Variants in MAST2 observed in about 807,000 individuals in gnomAD.
MAST2 encodes the protein microtubule-associated serine/threonine-protein kinase 2.
MAST2 carries 70 observed loss-of-function variants against 147.4 expected under a neutral mutation model. That is an observed-to-expected ratio of 0.47 (90% CI 0.39 to 0.58). The LOEUF (loss-of-function observed/expected upper bound fraction) is 0.58. Among genes scored for constraint, MAST2 ranks in the 20% least tolerant of loss-of-function variants. MAST2 has a pLI of 0.00. For missense variants in MAST2, 2,080 were observed against 2,302.3 expected, an observed-to-expected ratio of 0.90 and a Z score of 1.98; for synonymous variants, 869 against 896.8, an observed-to-expected ratio of 0.97 and a Z score of 0.55.
Position 45,910,855 on chromosome 1 carries a change from A to ACTTT in MAST2, c.500+28460_500+28461insCTTT, listed in dbSNP as rs1180438639. On this transcript the variant is annotated intron_variant, in intron 4 of 28. Transcript: ENST00000361297. ...TTCACAGCCCATAAATGGCGTTCTG[A>ACTTT]TATAGTTGCCTCTCTTTTAAAGGAC... 3.1e-4 allele frequency among the ~76,000 whole-genome samples: 47 copies of ACTTT among 152,292 alleles called. 1 individual carries two copies. In the Middle Eastern group the frequency reaches 0.034, roughly 110 times the overall value.
At chr1:45,913,448 C>A in intron 4 of MAST2, 1 of 249,986 alleles carries the variant, frequency 4.0e-6, no homozygotes, top group Non-Finnish European at 6.4e-6. Flanking sequence ...TGCCGCCAGG[C>A]CTCAGGGTTG....
At chr1:45,809,552 A>G (rs1644234910) in intron 1 of MAST2, among the ~76,000 whole-genome samples, 1 of 152,014 alleles carries the variant, frequency 6.6e-6, no homozygotes, top group Non-Finnish European at 1.5e-5. Flanking sequence ...CTGAGGTGGG[A>G]CCCCTGGAAG....
chr1:45,868,532 C>G (rs547853287), intron 3 of MAST2, among the ~76,000 whole-genome samples: 37 of 152,150 alleles, frequency 2.4e-4, no homozygotes, highest in East Asian at 1.7e-3. Flanking sequence ...TGCACCCCCC[C>G]CAACCCCCTG....
intron 3 of MAST2, among the ~76,000 whole-genome samples, chr1:45,881,525 T>C (rs773549670): frequency 2.0e-5 from 3 of 152,238 alleles, no homozygotes; most frequent in Non-Finnish European, 2.9e-5. Context: ...TGGGACTTGA[T>C]ACACTTGGAA....
intron 3 of MAST2, among the ~76,000 whole-genome samples, chr1:45,851,219 C>CT (rs922566808): frequency 5.9e-5 from 9 of 151,312 alleles, no homozygotes; most frequent in African/African-American, 1.9e-4. Flanking sequence ...TTTTCTTTTT[C>CT]TTTTTTTTGT....
chr1:46,008,141 C>T (rs1645563910), intron 8 of MAST2, among the ~76,000 whole-genome samples, 155 bp from the exon 9 acceptor site: 1 of 152,078 alleles, frequency 6.6e-6, no homozygotes, highest in South Asian at 2.1e-4. Flanking sequence ...CTGGAAACTC[C>T]AGGAATAAGA....
At chr1:45,861,927 C>T (rs1645994318) in intron 3 of MAST2, among the ~76,000 whole-genome samples, 1 of 152,276 alleles carries the variant, frequency 6.6e-6, no homozygotes, top group African/African-American at 2.4e-5. Flanking sequence ...TAATGATGGG[C>T]CTCCAGGCAG....
chr1:45,816,957 G>A (rs533871603), intron 1 of MAST2, among the ~76,000 whole-genome samples: 11 of 152,286 alleles, frequency 7.2e-5, no homozygotes, highest in South Asian at 6.2e-4. Flanking sequence ...GATTACAGGC[G>A]TGAGCCACAG....
chr1:45,883,208 G>C (rs1475069546), intron 4 of MAST2, among the ~76,000 whole-genome samples: 1 of 152,208 alleles, frequency 6.6e-6, no homozygotes, highest in African/African-American at 2.4e-5. Context: ...AAAAAGAGAT[G>C]TAATTAAGGA....
intron 4 of MAST2, among the ~76,000 whole-genome samples, chr1:45,952,125 A>G (rs1659015917): frequency 6.6e-6 from 1 of 152,280 alleles, no homozygotes; most frequent in Admixed American, 6.5e-5. Flanking sequence ...TTGTAAACAA[A>G]TGTTCACAGC....
chr1:45,860,555 G>T (rs1645945380), intron 3 of MAST2, among the ~76,000 whole-genome samples: 1 of 152,040 alleles, frequency 6.6e-6, no homozygotes, highest in African/African-American at 2.4e-5. Context: ...CTCTTGGCCG[G>T]GCGCAGTGGC....
At chr1:45,987,053 T>C (rs1334179350) in intron 5 of MAST2, among the ~76,000 whole-genome samples, 2 of 152,208 alleles carry the variant, frequency 1.3e-5, no homozygotes, top group Non-Finnish European at 2.9e-5. Context: ...TTAATAGATA[T>C]AGGATTAGTT....
intron 4 of MAST2, among the ~76,000 whole-genome samples, chr1:45,949,068 CATA>C (rs1658537664): frequency 6.6e-6 from 1 of 151,290 alleles, no homozygotes; most frequent in African/African-American, 2.4e-5. Context: ...TCCTTTACAT[CATA>C]TACAAAAATC....
chr1:45,836,012 G>A (rs1645091815), intron 3 of MAST2, among the ~76,000 whole-genome samples: 1 of 152,142 alleles, frequency 6.6e-6, no homozygotes, highest in Non-Finnish European at 1.5e-5. Context: ...TCTGCTGATA[G>A]ACATTTGAGT....
intron 5 of MAST2, among the ~76,000 whole-genome samples, chr1:45,982,466 TAATC>T (rs942775388): frequency 6.6e-6 from 1 of 152,210 alleles, no homozygotes; most frequent in Non-Finnish European, 1.5e-5. Context: ...GCCAATCATT[TAATC>T]AATCATGACT....
At chr1:45,906,370 A>C (rs1650727597) in intron 4 of MAST2, among the ~76,000 whole-genome samples, 2 of 152,094 alleles carry the variant, frequency 1.3e-5, no homozygotes, top group Admixed American at 1.3e-4. Flanking sequence ...ACATTTAAAA[A>C]GAAATAATAA....
intron 4 of MAST2, among the ~76,000 whole-genome samples, chr1:45,950,265 T>A (rs558582505): frequency 6.6e-6 from 1 of 151,948 alleles, no homozygotes; most frequent in Admixed American, 6.6e-5. Context: ...AAAAATGGGG[T>A]CAGGGAGGAG....
At chr1:45,962,569 C>G (rs1366670110) in intron 5 of MAST2, among the ~76,000 whole-genome samples, 1 of 152,054 alleles carries the variant, frequency 6.6e-6, no homozygotes. Context: ...TAAATGTCTT[C>G]TTTTGAGAAG....
intron 5 of MAST2, among the ~76,000 whole-genome samples, chr1:45,961,707 G>A (rs934290963): frequency 3.9e-5 from 6 of 152,104 alleles, no homozygotes; most frequent in Non-Finnish European, 2.9e-5. Flanking sequence ...TGTTGAGACA[G>A]GCAGCACTGA....
Sources: gnomAD v4.1 joint callset for allele counts (sites outside exome capture counted in the v4.1 genomes callset) on GRCh38, gnomAD v4.1.1 for gene constraint, MANE v1.5 for transcripts, NCBI Gene and HGNC (gene_info 2026-07-23, HGNC 2026-07-21) for gene names.